MEIOC: variants seen among roughly 807,000 people sequenced by gnomAD.
MEIOC encodes the protein meiosis-specific coiled-coil domain-containing protein MEIOC.
Under a neutral mutation model 85.3 loss-of-function variants are expected in MEIOC, and 9 were observed. That is an observed-to-expected ratio of 0.11 (90% CI 0.06 to 0.18). MEIOC has a LOEUF of 0.18. Ranked by LOEUF, MEIOC falls within the 10% of genes least tolerant of loss-of-function variation. MEIOC has a pLI of 1.00. For synonymous variants in MEIOC, 365 were observed against 393.7 expected (o/e 0.93, Z 0.86); for missense variants, 898 against 1,129.4 (o/e 0.80, Z 2.94).
intron 3 of MEIOC, 112 bp downstream of exon 3, chr17:44,662,583 T>C (rs763316033): frequency 2.5e-6 from 2 of 803,418 alleles, no homozygotes; most frequent in Non-Finnish European, 3.8e-6. Flanking sequence ...TTGTGGCATT[T>C]TGTGTTTTTC....
chr17:44,667,647 A>T lies in MEIOC; in HGVS notation c.1736A>T (p.Asp579Val), dbSNP rs1308828742. The T allele has an allele frequency of 6.2e-7, 1 of 1,612,554 alleles. No individual in the cohort carries two copies. The change falls in exon 5 of 8, where the codon GAT becomes GTT. Residue 579 changes from aspartate (D) to valine (V), a missense_variant. Asp to Val is a radical substitution (Grantham distance 152). Coordinates refer to ENST00000409122, the MANE Select transcript of MEIOC (RefSeq NM_001145080.3). The stretch of plus-strand genomic sequence containing the variant: ...GAAAATCTCTTCAAATTGGTTACGG[A>T]TAAAAAAATAAAGCAGCCAAATGGA... Reference protein sequence around the residue: ...GEENLFKLVTDKKIKQPNGFC... With the variant: ...GEENLFKLVTVKKIKQPNGFC...
At chr17:44,673,190 T>G (rs1247348399) in intron 6 of MEIOC, 176 bp from the exon 7 acceptor site, 17 of 455,834 alleles carry the variant, frequency 3.7e-5, no homozygotes, top group Non-Finnish European at 6.5e-5. Flanking sequence ...GACAAGTAGA[T>G]AGAAAACACT....
rs773845154 is a variant in MEIOC, at chr17:44,673,551, A to G, written c.2638+5A>G. The G allele has an allele frequency of 1.3e-6, 2 of 1,538,882 alleles. No homozygotes were observed. The highest frequency in any genetic ancestry group is 2.4e-5 in the South Asian group (2 of 81,734). On this transcript the variant is annotated splice_donor_5th_base_variant and intron_variant, in intron 7 of 7. Transcript: ENST00000409122. ...CTAGATGCCAAGATGACAGAGGTAC[A>G]AATATTAATGCATATTCTTGTGATA... is the stretch of plus-strand genomic sequence containing the variant.
chr17:44,665,088 T>C (rs1971887079), intron 3 of MEIOC: 3 of 991,496 alleles, frequency 3.0e-6, no homozygotes, highest in Non-Finnish European at 3.6e-6. Context: ...ATGACAGATT[T>C]ATATCTTGGT....
At chr17:44,665,905 A>G (rs34056055) in intron 4 of MEIOC, among the ~76,000 whole-genome samples, 13 of 152,322 alleles carry the variant, frequency 8.5e-5, no homozygotes, top group East Asian at 1.9e-4. Flanking sequence ...TGTGGAAGCT[A>G]TATTACCCAA....
chr17:44,676,551 G>A (rs1357591884), downstream of MEIOC, among the ~76,000 whole-genome samples: 2 of 152,012 alleles, frequency 1.3e-5, no homozygotes, highest in East Asian at 3.9e-4. Context: ...GCTGGGTGCC[G>A]GTGGATCACG....
rs144728313 is a variant in MEIOC at position 44,662,674 on chromosome 17, C to G, written c.359+203C>G. 5.8e-3 allele frequency among the ~76,000 whole-genome samples: 890 copies of G among 152,242 alleles called. 10 individuals are homozygous for G. Among genetic ancestry groups the G allele is most frequent in the African/African-American group, 0.021 (858 of 41,534 alleles). Reference sequence around the variant, plus strand: ...TTTGCTTTGTTTTGTTTTGTTGAGACAGGGTCTCGCTCTGTCACCCAGTCT... The same window carrying G: ...TTTGCTTTGTTTTGTTTTGTTGAGAGAGGGTCTCGCTCTGTCACCCAGTCT... On this transcript the variant is annotated intron_variant, in intron 3 of 7. Coordinates refer to ENST00000409122, the MANE Select transcript of MEIOC (RefSeq NM_001145080.3).
At chr17:44,672,202 G>A (rs1271499083) in intron 6 of MEIOC, among the ~76,000 whole-genome samples, 1 of 151,982 alleles carries the variant, frequency 6.6e-6, no homozygotes, top group Non-Finnish European at 1.5e-5. Flanking sequence ...GGCTGGTCTC[G>A]AACTCCTGAT....
chr17:44,664,001 G>A (rs768125439), intron 3 of MEIOC, among the ~76,000 whole-genome samples: 3 of 151,964 alleles, frequency 2.0e-5, no homozygotes, highest in Non-Finnish European at 4.4e-5. Context: ...CAAATATAAG[G>A]TATTTTATTT....
Position 44,667,925 on chromosome 17 carries a change from G to A in MEIOC, c.2014G>A (p.Gly672Arg). 6.2e-7 allele frequency: 1 copy of A among 1,613,802 alleles called. No individual in the cohort carries two copies. The highest frequency in any genetic ancestry group is 8.5e-7 in the Non-Finnish European group (1 of 1,179,790). ...VSCFSNNYMM[G>R]DLRHNQCFQQ... ...ATGCTTTTCTAATAATTATATGATGGGAGATTTAAGGCATAATCAGTGTTT... is the reference window on the plus strand; with the variant it reads ...ATGCTTTTCTAATAATTATATGATGAGAGATTTAAGGCATAATCAGTGTTT... The change falls in exon 5 of 8, where the codon GGA (glycine) becomes AGA (arginine). Residue 672 changes from glycine (G) to arginine (R), a missense_variant. By Grantham distance (125) the Gly-to-Arg change is moderately radical. Around this residue, in one of 2 missense-constraint regions of MEIOC, gnomAD observed 734 missense variants for 860.1 expected, o/e 0.85. Coordinates refer to ENST00000409122, the MANE Select transcript of MEIOC (RefSeq NM_001145080.3).
intron 6 of MEIOC, 104 bp from the exon 7 acceptor site, chr17:44,673,262 A>G (rs1972035472): frequency 7.6e-6 from 6 of 787,818 alleles, no homozygotes; most frequent in Non-Finnish European, 1.1e-5. Context: ...GATTTATTGA[A>G]TGAATATTAT....
chr17:44,662,397 T>C lies in MEIOC; in HGVS notation c.285T>C (p.Leu95=). Residue 95 remains leucine, a synonymous_variant, in exon 3 of 8, where the codon CTT becomes CTC. Transcript: ENST00000409122. ...ATTCAAGTTCTGTAGATTCTTCACT[T>C]TTCTGTGCACCATGGTCTACTTATG... ...TEYSSSVDSS[L]FCAPWSTYGD... is the part of the protein sequence containing the mutation. 1 of 1,549,758 alleles carries C rather than the reference T, an allele frequency of 6.5e-7. No individual in the cohort carries two copies. Among genetic ancestry groups the C allele is most frequent in the African/African-American group, 1.4e-5 (1 of 73,116 alleles).
intron 5 of MEIOC, 66 bp downstream of exon 5, chr17:44,668,299 C>T: frequency 7.2e-7 from 1 of 1,379,718 alleles, no homozygotes; most frequent in Admixed American, 2.2e-5. Flanking sequence ...TTCTGTTTAC[C>T]TTAGTGTAGT....
At chr17:44,665,346 AAT>A in intron 3 of MEIOC, 36 bp from the exon 4 acceptor site, 1 of 1,320,300 alleles carries the variant, frequency 7.6e-7, no homozygotes, top group Non-Finnish European at 1.0e-6. Flanking sequence ...AAGAGTAATC[AAT>A]ATATTGTATT....
Position 44,656,517 on chromosome 17 carries a change from C to A in MEIOC, c.-97C>A, listed in dbSNP as rs531372555. ...GCGGCGGAGGCGGCTGCGGAGACGGCGGGGTGCGGGCTGAGGGAGCCGGGC... is the reference window on the plus strand; with the variant it reads ...GCGGCGGAGGCGGCTGCGGAGACGGAGGGGTGCGGGCTGAGGGAGCCGGGC... On this transcript the variant is annotated 5_prime_UTR_variant, in exon 1 of 8. Transcript: ENST00000409122. The A allele has an allele frequency of 2.0e-6, 2 of 1,018,500 alleles. No individual in the cohort carries two copies. Among genetic ancestry groups the A allele is most frequent in the South Asian group, 2.7e-5 (1 of 36,794 alleles). 63.1% of individuals were successfully genotyped at this position (1,018,500 alleles called of 1,614,324 possible). A position where few individuals can be genotyped will look rare whatever the true frequency, so the allele number is the denominator to read the frequency against.
intron 5 of MEIOC, 109 bp from the exon 6 acceptor site, chr17:44,669,274 T>G: frequency 1.2e-6 from 1 of 842,788 alleles, no homozygotes; most frequent in Non-Finnish European, 1.8e-6. Flanking sequence ...AAAACAGAAT[T>G]TTCATTTAAA....
intron 2 of MEIOC, among the ~76,000 whole-genome samples, chr17:44,658,431 A>G (rs1971797897): frequency 1.3e-5 from 2 of 151,616 alleles, no homozygotes. Flanking sequence ...CTGGGATTAC[A>G]GGCGTGAGCC....
chr17:44,668,328 T>C, intron 5 of MEIOC, 95 bp downstream of exon 5: 3 of 1,153,160 alleles, frequency 2.6e-6, no homozygotes, highest in East Asian at 4.7e-5. Context: ...ACTTGCCTTA[T>C]TTCTTTTTGC....
chr17:44,666,396 A>G lies in MEIOC; in HGVS notation c.485A>G (p.Lys162Arg). The part of the protein sequence containing the change: ...FAEGTCSSNL[K>R]SVWPMNTSRF... Reference sequence around the variant, plus strand: ...TCTAGGACCTGCTCCTCCAATTTAAAGTCAGTTTGGCCAATGAACACAAGC... The same window carrying G: ...TCTAGGACCTGCTCCTCCAATTTAAGGTCAGTTTGGCCAATGAACACAAGC... The change falls in exon 5 of 8, where the codon AAG becomes AGG. Residue 162 changes from lysine (K) to arginine (R), a missense_variant. By Grantham distance (26) the Lys-to-Arg change is conservative. Around this residue, in one of 2 missense-constraint regions of MEIOC, gnomAD observed 734 missense variants for 860.1 expected, o/e 0.85. Coordinates refer to ENST00000409122, the MANE Select transcript of MEIOC (RefSeq NM_001145080.3). 1.3e-6 allele frequency: 2 copies of G among 1,548,764 alleles called. No individual in the cohort carries two copies. The highest frequency in any genetic ancestry group is 1.7e-6 in the Non-Finnish European group (2 of 1,145,256).
Sources: gnomAD v4.1 joint callset for allele counts (sites outside exome capture counted in the v4.1 genomes callset) on GRCh38, gnomAD v4.1.1 for gene constraint, gnomAD v4.1.1 regional missense constraint, MANE v1.5 for transcripts, NCBI Gene and HGNC (gene_info 2026-07-23, HGNC 2026-07-21) for gene names.